Variants in MEP1A observed in about 807,000 individuals in gnomAD.
The protein encoded by MEP1A is N-benzoyl-L-tyrosyl-P-amino-benzoic acid hydrolase subunit alpha.
A neutral mutation model predicts 84.5 loss-of-function variants in MEP1A; 68 were observed. The observed-to-expected ratio is 0.80, with a 90% CI of 0.66 to 0.98. The LOEUF (loss-of-function observed/expected upper bound fraction) is 0.98. MEP1A is among the 50% of genes least tolerant of loss of function. The pLI is 0.00. For synonymous variants in MEP1A, 337 were observed against 336.8 expected (o/e 1.00, Z -0.01); for missense variants, 887 against 919.9 (o/e 0.96, Z 0.46).
intron 5 of MEP1A, among the ~76,000 whole-genome samples, chr6:46,802,525 AGT>A (rs1352375191): frequency 6.6e-6 from 1 of 151,848 alleles, no homozygotes; most frequent in Admixed American, 6.6e-5. Context: ...TAATATAGAC[AGT>A]GTTACTGGTT....
intron 7 of MEP1A, among the ~76,000 whole-genome samples, chr6:46,820,339 G>T (rs904775955): frequency 6.6e-6 from 1 of 152,174 alleles, no homozygotes; most frequent in East Asian, 1.9e-4. Flanking sequence ...CAACAGTTTT[G>T]TCTTACGTAT....
rs373918218 is a variant in MEP1A at position 46,829,654 on chromosome 6, A to C, written c.1144+83A>C. The C allele has an allele frequency of 7.4e-4, 715 of 967,992 alleles. 8 individuals are homozygous for C. In the African/African-American group the frequency reaches 0.01, roughly 14 times the overall value. The allele number at this position is 967,992 out of a possible 1,614,324, so 60.0% of individuals were successfully genotyped here. A position where few individuals can be genotyped will look rare whatever the true frequency, so the allele number is the denominator to read the frequency against. On this transcript the variant is annotated intron_variant, in intron 10 of 13. Coordinates refer to ENST00000230588, the MANE Select transcript of MEP1A (RefSeq NM_005588.3). ...TTCTCCTCCTTCCCTCTTTCCTCCT[A>C]CTCCTCCTTCTTCTCTCTCCTCCTC...
chr6:46,797,792 C>T (rs866808173), intron 3 of MEP1A, among the ~76,000 whole-genome samples: 4,628 of 136,830 alleles, frequency 0.034, 98 homozygotes, highest in South Asian at 0.062. Flanking sequence ...TTCTTTCTTT[C>T]TCTTTCTTTC....
In MEP1A at chr6:46,805,132, G is replaced by A. The variant is rs553711828; in HGVS notation, c.263-4288G>A. ...GTTATGAATAAAGCTACTATGAGTA[G>A]CCTTGCACATATTCTTTTATGAAAT... On this transcript the variant is annotated intron_variant, in intron 5 of 13. Transcript: ENST00000230588. Among the ~76,000 whole-genome samples the A allele has an allele frequency of 6.6e-5, 10 of 152,002 alleles. No individual in the cohort carries two copies. In the South Asian group the frequency reaches 2.1e-3, roughly 32 times the overall value.
At chr6:46,843,241 C>T (rs1219710459), downstream of MEP1A, among the ~76,000 whole-genome samples, 5 of 152,156 alleles carry the variant, frequency 3.3e-5, no homozygotes, top group African/African-American at 9.7e-5. Context: ...TAGTGACAAC[C>T]CCAAATCTCT....
chr6:46,826,311 C>T (rs2297018), intron 8 of MEP1A, 43 bp from the exon 9 acceptor site: 2 of 1,541,672 alleles, frequency 1.3e-6, no homozygotes, highest in African/African-American at 1.4e-5. Context: ...TTTGGAATGA[C>T]TATCTTTCAT....
In MEP1A at chr6:46,833,343, TA is replaced by T; in HGVS notation, c.1415del (p.Tyr472SerfsTer11). 6.2e-7 allele frequency: 1 copy of T among 1,614,202 alleles called. No homozygotes were observed. On this transcript the variant is annotated frameshift_variant, in exon 11 of 14. Transcript: ENST00000230588. LOFTEE classifies it high-confidence loss of function. Reference sequence around the variant, plus strand: ...GGGATATGGTTTTGGGGTAACTTTATACCCAAATAGCAGAGAAAGCTCTGGT... The same window carrying T: ...GGGATATGGTTTTGGGGTAACTTTATCCCAAATAGCAGAGAAAGCTCTGGT... ...SEGYGFGVTL[Y>X]PNSRESSGYL...
At chr6:46,843,861 G>T (rs1329569999), downstream of MEP1A, among the ~76,000 whole-genome samples, 1 of 152,188 alleles carries the variant, frequency 6.6e-6, no homozygotes, top group Non-Finnish European at 1.5e-5. Flanking sequence ...CAATTCTGGA[G>T]AGGCTAAGTG....
chr6:46,840,471 C>A (rs1768313048), downstream of MEP1A, among the ~76,000 whole-genome samples: 1 of 152,132 alleles, frequency 6.6e-6, no homozygotes, highest in Non-Finnish European at 1.5e-5. Flanking sequence ...CCAGGCCATG[C>A]TGCTACTGCT....
Sources: allele counts gnomAD v4.1 joint callset (sites outside exome capture counted in the v4.1 genomes callset), GRCh38; gene constraint gnomAD v4.1.1; transcripts MANE v1.5; gene names NCBI Gene and HGNC (gene_info 2026-07-23, HGNC 2026-07-21).